The following RGL1 variants were observed in gnomAD, a reference collection of about 807,000 sequenced individuals.
RGL1 encodes ral guanine nucleotide dissociation stimulator like 1.
RGL1 carries 24 observed loss-of-function variants against 95.2 expected under a neutral mutation model. The observed-to-expected ratio is 0.25, with a 90% CI of 0.18 to 0.35. The LOEUF (loss-of-function observed/expected upper bound fraction) is 0.35, where lower values mean the gene tolerates loss of function less well. Ranked by LOEUF, RGL1 falls within the 10% of genes least tolerant of loss-of-function variation. The pLI is 1.00. For missense variants in RGL1, 715 were observed against 936.3 expected (o/e 0.76, Z 3.08); for synonymous variants, 329 against 344.9 (o/e 0.95, Z 0.51).
intron 1 of RGL1, among the ~76,000 whole-genome samples, chr1:183,699,517 T>C (rs1654458077): frequency 6.6e-6 from 1 of 152,216 alleles, no homozygotes; most frequent in South Asian, 2.1e-4. Flanking sequence ...GATTTTCATA[T>C]TATCCTATTG....
At chr1:183,851,469 C>G (rs944353764) in intron 3 of RGL1, among the ~76,000 whole-genome samples, 2 of 152,134 alleles carry the variant, frequency 1.3e-5, no homozygotes, top group African/African-American at 4.8e-5. Context: ...TATTCTTTTT[C>G]TTTGAGAGGA....
At chr1:183,683,850 G>T (rs981661954) in intron 1 of RGL1, among the ~76,000 whole-genome samples, 1 of 152,130 alleles carries the variant, frequency 6.6e-6, no homozygotes. Flanking sequence ...ATTTCTTGGA[G>T]GCTTTGTCTG....
At chr1:183,746,543 C>T (rs933899414) in intron 2 of RGL1, among the ~76,000 whole-genome samples, 2 of 150,946 alleles carry the variant, frequency 1.3e-5, no homozygotes, top group African/African-American at 2.4e-5. Flanking sequence ...AATTATTCAT[C>T]GTTATGTGGA....
intron 3 of RGL1, among the ~76,000 whole-genome samples, chr1:183,851,274 A>T (rs1664810399): frequency 6.6e-6 from 1 of 152,204 alleles, no homozygotes; most frequent in Non-Finnish European, 1.5e-5. Flanking sequence ...GGAATTGACA[A>T]GTACTCAATG....
chr1:183,843,225 G>A (rs6668012), intron 2 of RGL1, among the ~76,000 whole-genome samples: 253 of 152,274 alleles, frequency 1.7e-3, no homozygotes, highest in African/African-American at 5.9e-3. Flanking sequence ...CTTATTTTAT[G>A]ATATTGTCAT....
chr1:183,780,711 T>C lies in RGL1; in HGVS notation c.133-25664T>C, dbSNP rs77241567. On this transcript the variant is annotated intron_variant, in intron 2 of 18. Transcript: ENST00000304685. ...AAAAGGTGTATGATAGGTGATACTT[T>C]CAGCGCGGTGGACTCTTTTGAGTCT... is the stretch of plus-strand genomic sequence containing the variant. Among the ~76,000 whole-genome samples, 275 of 152,372 alleles carry C rather than the reference T, an allele frequency of 1.8e-3. 6 individuals are homozygous for C. In the East Asian group the frequency reaches 0.042, roughly 23 times the overall value.
chr1:183,898,182 C>T (rs1392691875), intron 10 of RGL1, among the ~76,000 whole-genome samples: 2 of 152,198 alleles, frequency 1.3e-5, no homozygotes, highest in Admixed American at 1.3e-4. Flanking sequence ...TCGACTTCCT[C>T]CCTCTTGCAG....
At chr1:183,908,731 G>C (rs976424490) in intron 14 of RGL1, among the ~76,000 whole-genome samples, 28 of 152,170 alleles carry the variant, frequency 1.8e-4, no homozygotes, top group African/African-American at 6.3e-4. Context: ...GCTCACTGAG[G>C]CAGCAGAAGG....
intron 1 of RGL1, among the ~76,000 whole-genome samples, chr1:183,741,248 C>G (rs781402528): frequency 3.3e-5 from 5 of 152,114 alleles, no homozygotes; most frequent in Non-Finnish European, 7.4e-5. Flanking sequence ...GATGGAACAT[C>G]AGTAACAGTT....
intron 8 of RGL1, among the ~76,000 whole-genome samples, chr1:183,890,472 G>A (rs376866892): frequency 5.9e-5 from 9 of 152,286 alleles, no homozygotes; most frequent in African/African-American, 2.2e-4. Context: ...TAGTTGGTTT[G>A]TATGTGTTTT....
At chr1:183,737,157 C>T (rs1036260382) in intron 1 of RGL1, among the ~76,000 whole-genome samples, 8 of 152,170 alleles carry the variant, frequency 5.3e-5, no homozygotes, top group African/African-American at 1.9e-4. Flanking sequence ...AAAAAAAGGG[C>T]ATCCATGGAA....
At chr1:183,800,818 G>C (rs181123647), upstream of RGL1, among the ~76,000 whole-genome samples, 23 of 152,160 alleles carry the variant, frequency 1.5e-4, no homozygotes, top group Non-Finnish European at 2.9e-4. Context: ...CCATGTTGTT[G>C]CATATGACAG....
intron 1 of RGL1, among the ~76,000 whole-genome samples, chr1:183,673,110 G>A (rs1356236550): frequency 6.6e-6 from 1 of 152,130 alleles, no homozygotes. Flanking sequence ...AAGATGCCAG[G>A]TTGAAGCTCA....
chr1:183,869,241 C>G (rs894364960), intron 4 of RGL1, among the ~76,000 whole-genome samples: 11 of 152,190 alleles, frequency 7.2e-5, no homozygotes, highest in African/African-American at 2.7e-4. Flanking sequence ...TATGAAGAGT[C>G]ATGTTCATTC....
chr1:183,832,440 AG>A (rs900356101), intron 2 of RGL1, among the ~76,000 whole-genome samples: 7 of 152,228 alleles, frequency 4.6e-5, no homozygotes, highest in African/African-American at 1.7e-4. Flanking sequence ...CTGTAGATAA[AG>A]CTTTGGGAGT....
At chr1:183,752,803 T>C (rs980043764) in intron 2 of RGL1, among the ~76,000 whole-genome samples, 5 of 152,028 alleles carry the variant, frequency 3.3e-5, no homozygotes, top group East Asian at 1.9e-4. Flanking sequence ...TTTGAGTACA[T>C]TGGAAATTTT....
chr1:183,705,236 G>T (rs1654834291), intron 1 of RGL1, among the ~76,000 whole-genome samples: 1 of 152,122 alleles, frequency 6.6e-6, no homozygotes, highest in Admixed American at 6.6e-5. Context: ...AGTTTGTGGA[G>T]GTGGGAGGGA....
At chr1:183,892,972 A>G (rs1182099919) in intron 9 of RGL1, among the ~76,000 whole-genome samples, 1 of 152,228 alleles carries the variant, frequency 6.6e-6, no homozygotes. Context: ...CATACAACCA[A>G]TAGGTGGTAG....
intron 14 of RGL1, among the ~76,000 whole-genome samples, chr1:183,907,743 C>G (rs918382168): frequency 2.0e-5 from 3 of 152,202 alleles, no homozygotes; most frequent in Non-Finnish European, 2.9e-5. Flanking sequence ...GAACAGGAAC[C>G]TTGTCTATCA....
Sources: allele counts gnomAD v4.1 joint callset (sites outside exome capture counted in the v4.1 genomes callset), GRCh38; gene constraint gnomAD v4.1.1; transcripts MANE v1.5; gene names NCBI Gene and HGNC (gene_info 2026-07-23, HGNC 2026-07-21).